Variants in KIAA0825 observed in about 807,000 individuals in gnomAD.
KIAA0825 encodes uncharacterized protein KIAA0825.
KIAA0825 carries 119 observed loss-of-function variants against 147.6 expected under a neutral mutation model. The observed-to-expected ratio is 0.81, with a 90% CI of 0.69 to 0.94. The LOEUF is 0.94. Among genes scored for constraint, KIAA0825 ranks in the 40% least tolerant of loss-of-function variants. The pLI is 0.00. For synonymous variants in KIAA0825, 470 were observed against 518.1 expected (o/e 0.91, Z 1.26); for missense variants, 1,381 against 1,472.7 (o/e 0.94, Z 1.02).
At chr5:94,425,282 C>T (rs1048222116) in intron 14 of KIAA0825, among the ~76,000 whole-genome samples, 7 of 152,148 alleles carry the variant, frequency 4.6e-5, no homozygotes, top group African/African-American at 1.4e-4. Context: ...AAAAATAATA[C>T]ACCTTCATCA....
chr5:94,390,267 T>C (rs902117045), intron 18 of KIAA0825, among the ~76,000 whole-genome samples: 6 of 152,346 alleles, frequency 3.9e-5, no homozygotes, highest in Middle Eastern at 6.8e-3. Context: ...TCAGAGCTAT[T>C]GTAACACTGC....
intron 20 of KIAA0825, among the ~76,000 whole-genome samples, chr5:94,217,725 G>T (rs1241420860): frequency 6.6e-6 from 1 of 152,050 alleles, no homozygotes; most frequent in Non-Finnish European, 1.5e-5. Flanking sequence ...TTTAAAAAGG[G>T]ACACACAAAT....
At chr5:94,583,307 C>T (rs1046989896) in intron 1 of KIAA0825, among the ~76,000 whole-genome samples, 3 of 152,216 alleles carry the variant, frequency 2.0e-5, no homozygotes, top group African/African-American at 7.2e-5. Context: ...TGTCCAAATA[C>T]TGCACTCTTC....
rs770878690 is a variant in KIAA0825, at chr5:94,205,918, G to A, written c.3711-51794C>T. ...TATTTTGTATTAAGGTTTTTTTTCC[G>A]ATATAAAGGATGCTTGCACTATACA... On this transcript the variant is annotated intron_variant, in intron 20 of 20. Transcript: ENST00000682413. Among the ~76,000 whole-genome samples the A allele has an allele frequency of 3.9e-5, 6 of 152,090 alleles. No homozygotes were observed. In the Middle Eastern group the frequency reaches 0.01, roughly 260 times the overall value.
intron 5 of KIAA0825, among the ~76,000 whole-genome samples, chr5:94,504,798 A>G (rs1765533743): frequency 7.0e-6 from 1 of 143,232 alleles, no homozygotes; most frequent in Non-Finnish European, 1.5e-5. Context: ...CCCAGGCTAG[A>G]GCGCAGTGGC....
intron 5 of KIAA0825, among the ~76,000 whole-genome samples, chr5:94,504,908 T>C (rs1000320783): frequency 6.6e-6 from 1 of 151,796 alleles, no homozygotes; most frequent in Admixed American, 6.6e-5. Flanking sequence ...CCACCATACC[T>C]GGCTAATTTT....
intron 20 of KIAA0825, among the ~76,000 whole-genome samples, chr5:94,227,407 G>A (rs1774286015): frequency 6.6e-6 from 1 of 151,598 alleles, no homozygotes; most frequent in Non-Finnish European, 1.5e-5. Flanking sequence ...TGGGGTGGGG[G>A]AAGTGGGGAG....
intron 15 of KIAA0825, among the ~76,000 whole-genome samples, chr5:94,406,215 G>A (rs1395979139): frequency 2.6e-5 from 4 of 152,256 alleles, no homozygotes; most frequent in Non-Finnish European, 5.9e-5. Flanking sequence ...GTGAGCCACT[G>A]AGCCTGGCCT....
chr5:94,598,391 T>TAA (rs1315029224), intron 1 of KIAA0825, among the ~76,000 whole-genome samples: 1 of 152,066 alleles, frequency 6.6e-6, no homozygotes, highest in African/African-American at 2.4e-5. Context: ...TCATGGGCAA[T>TAA]AACAAGCATA....
intron 5 of KIAA0825, among the ~76,000 whole-genome samples, chr5:94,498,077 A>G (rs1203330771): frequency 6.6e-6 from 1 of 152,168 alleles, no homozygotes; most frequent in East Asian, 1.9e-4. Context: ...ACATAACTGG[A>G]CAAGTTCTAT....
chr5:94,272,785 C>T (rs1777051252), intron 20 of KIAA0825, among the ~76,000 whole-genome samples: 1 of 152,164 alleles, frequency 6.6e-6, no homozygotes. Context: ...GTTTGTGTTT[C>T]TTGCACATGG....
At chr5:94,341,864 T>C (rs1782426311) in intron 20 of KIAA0825, among the ~76,000 whole-genome samples, 3 of 152,120 alleles carry the variant, frequency 2.0e-5, no homozygotes, top group Non-Finnish European at 4.4e-5. Context: ...ATATATACTA[T>C]ACTGAGGGAA....
chr5:94,582,037 G>T (rs1782282199), intron 2 of KIAA0825, among the ~76,000 whole-genome samples: 1 of 152,164 alleles, frequency 6.6e-6, no homozygotes, highest in Admixed American at 6.5e-5. Context: ...ATAAGAAAGG[G>T]TAACAGAAAT....
intron 13 of KIAA0825, among the ~76,000 whole-genome samples, chr5:94,450,247 T>C (rs72771680): frequency 0.059 from 8,852 of 150,700 alleles, 480 homozygotes; most frequent in Admixed American, 0.14. Flanking sequence ...TATTTTTCTA[T>C]ATGTACTTTT....
intron 6 of KIAA0825, among the ~76,000 whole-genome samples, chr5:94,479,270 A>C (rs1053804647): frequency 1.3e-5 from 2 of 151,828 alleles, no homozygotes; most frequent in Non-Finnish European, 2.9e-5. Flanking sequence ...CCATAACCCC[A>C]CCCTGGTACC....
Position 94,440,058 on chromosome 5 carries a change from AC to A in KIAA0825, c.2420del (p.Arg807LeufsTer19), listed in dbSNP as rs1162242345. ...GQLKLLLSQP[R>X]CNWNLLLETL... ...TTTCCAGAAGCAAGTTCCAGTTACA[AC>A]GTGGCTGGGATAAGAGCAGTTTCAA... is the stretch of plus-strand genomic sequence containing the variant. On this transcript the variant is annotated frameshift_variant, in exon 14 of 21. Transcript: ENST00000682413. LOFTEE classifies it high-confidence loss of function. 1 of 1,551,634 alleles carries A rather than the reference AC, an allele frequency of 6.4e-7. No individual in the cohort carries two copies. Among genetic ancestry groups the A allele is most frequent in the East Asian group, 2.4e-5 (1 of 40,902 alleles).
chr5:94,498,297 A>G (rs996848020), intron 5 of KIAA0825, among the ~76,000 whole-genome samples: 2 of 152,150 alleles, frequency 1.3e-5, no homozygotes, highest in African/African-American at 4.8e-5. Flanking sequence ...TAACAAGCTT[A>G]TCCCTGGGCC....
At chr5:94,495,801 C>T (rs1342992036) in intron 5 of KIAA0825, among the ~76,000 whole-genome samples, 1 of 152,156 alleles carries the variant, frequency 6.6e-6, no homozygotes, top group Non-Finnish European at 1.5e-5. Flanking sequence ...CTGGTTAATA[C>T]TGGGCTCACT....
chr5:94,405,789 C>T (rs775935136), intron 15 of KIAA0825, among the ~76,000 whole-genome samples: 7 of 152,118 alleles, frequency 4.6e-5, no homozygotes, highest in Non-Finnish European at 1.0e-4. Context: ...CAGGACTAGA[C>T]GGGATGGCTT....
Sources: gnomAD v4.1 joint callset for allele counts (sites outside exome capture counted in the v4.1 genomes callset) on GRCh38, gnomAD v4.1.1 for gene constraint, MANE v1.5 for transcripts, NCBI Gene and HGNC (gene_info 2026-07-23, HGNC 2026-07-21) for gene names.